Variants in ITGAV observed in about 807,000 individuals in gnomAD.
ITGAV encodes the protein integrin alpha-V.
ITGAV carries 76 observed loss-of-function variants against 143.8 expected under a neutral mutation model. The ratio of observed to expected loss-of-function variants is 0.53; its 90% CI spans 0.44 to 0.64. The LOEUF is 0.64. ITGAV is among the 30% of genes least tolerant of loss of function. The probability of loss-of-function intolerance (pLI) is 0.00; values close to 1 mark genes in which losing one functional copy is unlikely to be tolerated. For synonymous variants in ITGAV, 453 were observed against 446.7 expected (o/e 1.01, Z -0.18); for missense variants, 1,193 against 1,274.7 (o/e 0.94, Z 0.98).
Position 186,680,514 on chromosome 2 carries a change from A to G in ITGAV, c.*3222A>G, listed in dbSNP as rs909149325. Reference sequence around the variant, plus strand: ...AAATCTAGATAATTTCAAAGTTGTCATTAATTTAGTAAGCCTAATATAAAC... The same window carrying G: ...AAATCTAGATAATTTCAAAGTTGTCGTTAATTTAGTAAGCCTAATATAAAC... On this transcript the variant is annotated 3_prime_UTR_variant, in exon 30 of 30. Coordinates refer to ENST00000261023, the MANE Select transcript of ITGAV (RefSeq NM_002210.5). 1.3e-5 allele frequency: 2 copies of G among 152,578 alleles called. No individual in the cohort carries two copies. The highest frequency in any genetic ancestry group is 2.9e-5 in the Non-Finnish European group (2 of 67,988). 9.5% of individuals were successfully genotyped at this position (152,578 alleles called of 1,614,324 possible).
intron 18 of ITGAV, among the ~76,000 whole-genome samples, chr2:186,662,424 A>G (rs895588440): frequency 6.6e-6 from 1 of 152,196 alleles, no homozygotes; most frequent in Non-Finnish European, 1.5e-5. Context: ...TGCAAGCCTC[A>G]TGTGGCTTCT....
rs1169230014 is a variant in ITGAV, at chr2:186,679,360, ATATCT to A, written c.*2071_*2075del. On this transcript the variant is annotated 3_prime_UTR_variant, in exon 30 of 30. Coordinates refer to ENST00000261023, the MANE Select transcript of ITGAV (RefSeq NM_002210.5). ...ATGCTGTAATTTAGAAATTAACATG[ATATCT>A]TAAATTACCTTTATGAAATATAGTT... is the stretch of plus-strand genomic sequence containing the variant. 2.0e-5 allele frequency: 3 copies of A among 152,000 alleles called. No homozygotes were observed. Among genetic ancestry groups the A allele is most frequent in the African/African-American group, 7.2e-5 (3 of 41,440 alleles). 9.4% of individuals were successfully genotyped at this position (152,000 alleles called of 1,614,324 possible). A position where few individuals can be genotyped will look rare whatever the true frequency, so the allele number is the denominator to read the frequency against.
chr2:186,618,070 G>C (rs1007384892), intron 2 of ITGAV, among the ~76,000 whole-genome samples: 2 of 152,292 alleles, frequency 1.3e-5, no homozygotes, highest in South Asian at 4.1e-4. Context: ...TGAACTTCTT[G>C]TCAGTTTGTC....
intron 11 of ITGAV, 135 bp downstream of exon 11, chr2:186,641,102 G>A: frequency 1.3e-6 from 1 of 757,836 alleles, no homozygotes; most frequent in Admixed American, 2.8e-5. Flanking sequence ...ACAATTTGAA[G>A]CAACCTTAAT....
chr2:186,646,666 TC>T lies in ITGAV; in HGVS notation c.1160-18del. ...TTACTTCTGTCATTCTCCTTCCCCC[TC>T]CTCTTTTTTTCCCCACAGATATTGC... On this transcript the variant is annotated intron_variant, in intron 12 of 29. Transcript: ENST00000261023. 1 of 1,553,196 alleles carries T rather than the reference TC, an allele frequency of 6.4e-7. No individual in the cohort carries two copies. Among genetic ancestry groups the T allele is most frequent in the Non-Finnish European group, 8.8e-7 (1 of 1,138,038 alleles).
At chr2:186,622,562 C>T (rs1478058151) in intron 3 of ITGAV, 132 bp downstream of exon 3, 5 of 629,034 alleles carry the variant, frequency 7.9e-6, no homozygotes, top group Non-Finnish European at 1.4e-5. Context: ...CATAAGATAG[C>T]TCTGATCAAA....
At chr2:186,612,577 T>A (rs1264436508) in intron 2 of ITGAV, among the ~76,000 whole-genome samples, 1 of 152,182 alleles carries the variant, frequency 6.6e-6, no homozygotes, top group Non-Finnish European at 1.5e-5. Flanking sequence ...CTATGCCAGT[T>A]CTGTGGTCAA....
intron 28 of ITGAV, 74 bp downstream of exon 28, chr2:186,676,001 T>A: frequency 1.2e-6 from 1 of 828,304 alleles, no homozygotes; most frequent in Non-Finnish European, 2.0e-6. Flanking sequence ...TTTTGTTTTT[T>A]AAAGAACGAC....
At position 186,600,332 on chromosome 2, in the gene ITGAV, C is replaced by T. The variant is rs1013248037; in HGVS notation, c.186-1689C>T. ...CCCACTCCCCTCCATCCTCAATACA[C>T]AAATGCTCCTAGGCACCCTCCTTCT... On this transcript the variant is annotated intron_variant, in intron 1 of 29. Transcript: ENST00000261023. The T allele has an allele frequency of 3.3e-6, 5 of 1,526,620 alleles. No individual in the cohort carries two copies. In the African/African-American group the frequency reaches 6.9e-5, roughly 21 times the overall value. The allele number at this position is 1,526,620 out of a possible 1,614,324, so 94.6% of individuals were successfully genotyped here.
chr2:186,679,796 A>G lies in ITGAV; in HGVS notation c.*2504A>G. On this transcript the variant is annotated 3_prime_UTR_variant, in exon 30 of 30. Coordinates refer to ENST00000261023, the MANE Select transcript of ITGAV (RefSeq NM_002210.5). Reference sequence around the variant, plus strand: ...TTTTTTCTGTTTCTCTTTTCTCTTAACGATTATCACTGTAATTCTGAATCT... The same window carrying G: ...TTTTTTCTGTTTCTCTTTTCTCTTAGCGATTATCACTGTAATTCTGAATCT... 6.6e-6 allele frequency: 1 copy of G among 152,036 alleles called. No individual in the cohort carries two copies. The highest frequency in any genetic ancestry group is 1.9e-4 in the East Asian group (1 of 5,198). The allele number at this position is 152,036 out of a possible 1,614,324, so 9.4% of individuals were successfully genotyped here.
At chr2:186,618,578 T>C (rs1687433107) in intron 2 of ITGAV, among the ~76,000 whole-genome samples, 1 of 152,226 alleles carries the variant, frequency 6.6e-6, no homozygotes, top group Non-Finnish European at 1.5e-5. Flanking sequence ...CCCAGCAGCA[T>C]GTTGTGCCAC....
At chr2:186,608,013 GGGGGCAA>G (rs900795543) in intron 2 of ITGAV, among the ~76,000 whole-genome samples, 103 of 152,254 alleles carry the variant, frequency 6.8e-4, no homozygotes, top group African/African-American at 2.4e-3. Context: ...ATCATTTCTG[GGGGGCAA>G]GAGGCTTTGA....
intron 2 of ITGAV, among the ~76,000 whole-genome samples, chr2:186,608,383 A>G (rs1687124770): frequency 6.6e-6 from 1 of 152,220 alleles, no homozygotes; most frequent in African/African-American, 2.4e-5. Context: ...CTTTGAAAAA[A>G]TAGAATAGTA....
chr2:186,663,941 G>A, intron 19 of ITGAV, 106 bp downstream of exon 19: 1 of 723,358 alleles, frequency 1.4e-6, no homozygotes, highest in South Asian at 1.7e-5. Context: ...TATCCTGGAG[G>A]GTAATGCCTG....
intron 26 of ITGAV, 41 bp from the exon 27 acceptor site, chr2:186,675,563 A>G (rs1201102521): frequency 6.8e-7 from 1 of 1,476,252 alleles, no homozygotes; most frequent in Admixed American, 1.7e-5. Context: ...AAGAGATGAT[A>G]GAATGACCTT....
chr2:186,626,782 A>G (rs146877001), intron 4 of ITGAV, among the ~76,000 whole-genome samples: 132 of 152,312 alleles, frequency 8.7e-4, no homozygotes, highest in African/African-American at 2.4e-3. Context: ...TAGAAAGCAT[A>G]CACTGCACAG....
chr2:186,638,196 C>T (rs752672613), intron 8 of ITGAV, 81 bp from the exon 9 acceptor site: 74 of 1,248,758 alleles, frequency 5.9e-5, no homozygotes, highest in Non-Finnish European at 7.7e-5. Context: ...AAACTTAAAG[C>T]TTGCTGACAT....
chr2:186,669,644 G>T, intron 25 of ITGAV, 57 bp from the exon 26 acceptor site: 6 of 1,165,628 alleles, frequency 5.1e-6, no homozygotes, highest in Non-Finnish European at 7.6e-6. Flanking sequence ...TCAAAATGCT[G>T]ATGTAAAATG....
intron 14 of ITGAV, among the ~76,000 whole-genome samples, chr2:186,650,196 T>C (rs1053337015): frequency 3.3e-5 from 5 of 152,218 alleles, no homozygotes; most frequent in Non-Finnish European, 7.3e-5. Flanking sequence ...AATCCTGTCT[T>C]CCAGCCTCTC....
Sources: gnomAD v4.1 joint callset for allele counts (sites outside exome capture counted in the v4.1 genomes callset) on GRCh38, gnomAD v4.1.1 for gene constraint, MANE v1.5 for transcripts, NCBI Gene and HGNC (gene_info 2026-07-23, HGNC 2026-07-21) for gene names.